The following QSOX1 variants were observed in gnomAD, a reference collection of about 807,000 sequenced individuals.
QSOX1 encodes the protein quiescin sulfhydryl oxidase 1, also known as sulfhydryl oxidase 1.
In QSOX1, 40 loss-of-function variants were observed where a neutral mutation model predicts 76.1. The ratio of observed to expected loss-of-function variants is 0.53; its 90% confidence interval spans 0.41 to 0.68. The LOEUF (loss-of-function observed/expected upper bound fraction) is 0.68. Ranked by LOEUF, QSOX1 falls within the 30% of genes least tolerant of loss-of-function variation. The pLI is 0.00. For missense variants in QSOX1, 931 were observed against 974.3 expected, an observed-to-expected ratio of 0.96 and a Z score of 0.59; for synonymous variants, 392 against 413.1, an observed-to-expected ratio of 0.95 and a Z score of 0.62.
At position 180,186,027 on chromosome 1, in the gene QSOX1, C is replaced by T; in HGVS notation, c.888-26C>T. ...TGCACCATGGTTAATACTTCTTTCT[C>T]TCTCTATCTCCCTCTGGGTCCTCAG... On this transcript the variant is annotated intron_variant, in intron 7 of 11. Transcript: ENST00000367602. 3.1e-6 allele frequency: 5 copies of T among 1,612,380 alleles called. No individual in the cohort carries two copies. The South Asian group carries it at 5.5e-5, about 18-fold the overall frequency.
intron 5 of QSOX1, among the ~76,000 whole-genome samples, chr1:180,180,688 T>A (rs1663008724): frequency 1.3e-5 from 2 of 152,156 alleles, no homozygotes; most frequent in African/African-American, 4.8e-5. Context: ...CTAATTTTTT[T>A]ATATTTTTAG....
rs532331265 is a variant in QSOX1, at chr1:180,196,782, G to A, written c.1989G>A (p.Trp663Ter). The A allele has an allele frequency of 6.2e-7, 1 of 1,614,132 alleles. No homozygotes were observed. Among genetic ancestry groups the A allele is most frequent in the East Asian group, 2.2e-5 (1 of 44,884 alleles). Reference sequence around the variant, plus strand: ...CCAGGGCTGAGAAGAACCGCCTCTGGGGCCCTTTGGAGGTCAGGCGCGTGG... The same window carrying A: ...CCAGGGCTGAGAAGAACCGCCTCTGAGGCCCTTTGGAGGTCAGGCGCGTGG... ...AESRAEKNRL[W>*]GPLEVRRVGR... is the part of the protein sequence containing the mutation. The change falls in exon 12 of 12, where the codon TGG (tryptophan) becomes TGA (stop). Residue 663 changes from tryptophan to a stop codon, truncating the protein, a stop_gained. Transcript: ENST00000367602. LOFTEE classifies it high-confidence loss of function. The surrounding 1 kb of genome is among the most constrained non-coding windows in gnomAD (Gnocchi z 4.1).
chr1:180,197,387 C>T lies in QSOX1; in HGVS notation c.*350C>T, dbSNP rs1572058141. On this transcript the variant is annotated 3_prime_UTR_variant, in exon 12 of 12. Transcript: ENST00000367602. The stretch of plus-strand genomic sequence containing the variant: ...GGAGCCTCAGTCTCTCCTGCTTGGT[C>T]TTGGCCCTCAACTGGGGCAAGTGAA... The T allele has an allele frequency of 2.5e-6, 4 of 1,613,582 alleles. No homozygotes were observed. Among genetic ancestry groups the T allele is most frequent in the Non-Finnish European group, 2.5e-6 (3 of 1,179,882 alleles).
intron 1 of QSOX1, among the ~76,000 whole-genome samples, chr1:180,160,028 G>C (rs970370980): frequency 1.3e-5 from 2 of 152,102 alleles, no homozygotes; most frequent in African/African-American, 4.8e-5. Context: ...CATTCCAGCT[G>C]GAGAGAGACC....
intron 1 of QSOX1, among the ~76,000 whole-genome samples, chr1:180,157,960 G>T (rs1333180290): frequency 6.6e-6 from 1 of 152,206 alleles, no homozygotes; most frequent in Non-Finnish European, 1.5e-5. Flanking sequence ...GTCACAGAGG[G>T]CTAATCTGAT....
chr1:180,175,548 G>A lies in QSOX1; in HGVS notation c.412+182G>A, dbSNP rs563258907. ...TCCTCCCAGTCAGCTTTAGGGAAAGGCAGGATGAAGAAGCCCTTCAGGTTG... is the reference window on the plus strand; with the variant it reads ...TCCTCCCAGTCAGCTTTAGGGAAAGACAGGATGAAGAAGCCCTTCAGGTTG... On this transcript the variant is annotated intron_variant, in intron 3 of 11. Transcript: ENST00000367602. Among the ~76,000 whole-genome samples the A allele has an allele frequency of 1.1e-4, 17 of 152,326 alleles. No individual in the cohort carries two copies. In the South Asian group the frequency reaches 1.5e-3, roughly 13 times the overall value.
chr1:180,170,532 G>T (rs527965639), intron 2 of QSOX1, among the ~76,000 whole-genome samples: 76 of 152,260 alleles, frequency 5.0e-4, no homozygotes, highest in African/African-American at 1.7e-3. Flanking sequence ...GACCAGCCTG[G>T]TGTTGCCTGG....
intron 2 of QSOX1, among the ~76,000 whole-genome samples, chr1:180,172,397 C>T (rs550629117): frequency 1.3e-4 from 20 of 152,266 alleles, no homozygotes; most frequent in Admixed American, 3.9e-4. Context: ...TTCCCTTCAG[C>T]CTGCATCCTG....
In QSOX1 at chr1:180,196,882, T is replaced by C. The variant is rs1558195139; in HGVS notation, c.2089T>C (p.Trp697Arg). The C allele has an allele frequency of 6.3e-7, 1 of 1,594,046 alleles. No homozygotes were observed. Among genetic ancestry groups the C allele is most frequent in the South Asian group, 1.1e-5 (1 of 88,638 alleles). Residue 697 changes from tryptophan (W) to arginine (R), a missense_variant, in exon 12 of 12, where the codon TGG becomes CGG. By Grantham distance (101) the Trp-to-Arg change is moderately radical. Transcript: ENST00000367602. The surrounding 1 kb of genome is among the most constrained non-coding windows in gnomAD (Gnocchi z 4.1). ...CCGAGCTGGACGGGGCCGAGGCCAG[T>C]GGCTGCAGGTGCTGGGAGGGGGCTT... ...EARAGRGRGQWLQVLGGGFSY... is the reference protein window; with the variant it reads ...EARAGRGRGQRLQVLGGGFSY...
In QSOX1 at chr1:180,198,751, C is replaced by G. The variant is rs1663567837; in HGVS notation, c.*1714C>G. 1 of 259,568 alleles carries G rather than the reference C, an allele frequency of 3.9e-6. No individual in the cohort carries two copies. Among genetic ancestry groups the G allele is most frequent in the African/African-American group, 2.2e-5 (1 of 45,242 alleles). The allele number at this position is 259,568 out of a possible 1,614,324, so 16.1% of individuals were successfully genotyped here. On this transcript the variant is annotated 3_prime_UTR_variant, in exon 12 of 12. Coordinates refer to ENST00000367602, the MANE Select transcript of QSOX1 (RefSeq NM_002826.5). ...TCCTGGTTGTGCTCTGCACCCCCTG[C>G]TCCCTTGGGCTGGCCCTGGCTGGGG...
At chr1:180,183,816 C>T (rs1364836503) in intron 6 of QSOX1, 100 bp from the exon 7 acceptor site, 4 of 1,321,324 alleles carry the variant, frequency 3.0e-6, no homozygotes, top group South Asian at 2.8e-5. Context: ...ATAAACCTTC[C>T]TGTCCGATGA....
chr1:180,183,850 A>G, intron 6 of QSOX1, 66 bp from the exon 7 acceptor site: 2 of 1,476,500 alleles, frequency 1.4e-6, no homozygotes, highest in Non-Finnish European at 1.8e-6. Flanking sequence ...CTCTTCTGAC[A>G]TTGGTTAGCT....
intron 5 of QSOX1, among the ~76,000 whole-genome samples, chr1:180,179,418 A>G (rs1343868852): frequency 2.0e-5 from 3 of 152,350 alleles, no homozygotes; most frequent in Middle Eastern, 3.4e-3. Flanking sequence ...CCAGCTCCCC[A>G]GCGCTTCCAG....
intron 2 of QSOX1, among the ~76,000 whole-genome samples, chr1:180,166,914 C>T (rs1572040298): frequency 6.6e-6 from 1 of 152,366 alleles, no homozygotes; most frequent in East Asian, 1.9e-4. Context: ...TGGCAAGCCT[C>T]AGCCTCCTCA....
chr1:180,156,020 C>G (rs1231531111), intron 1 of QSOX1, among the ~76,000 whole-genome samples: 1 of 152,152 alleles, frequency 6.6e-6, no homozygotes, highest in Non-Finnish European at 1.5e-5. Context: ...AGGAAAAAAC[C>G]ACTACATGTA....
At position 180,198,428 on chromosome 1, in the gene QSOX1, G is replaced by A. The variant is rs548771903; in HGVS notation, c.*1391G>A. 2.6e-5 allele frequency: 12 copies of A among 455,558 alleles called. No individual in the cohort carries two copies. Among genetic ancestry groups the A allele is most frequent in the African/African-American group, 1.4e-4 (7 of 50,168 alleles). The allele number at this position is 455,558 out of a possible 1,614,324, so 28.2% of individuals were successfully genotyped here. On this transcript the variant is annotated 3_prime_UTR_variant, in exon 12 of 12. Coordinates refer to ENST00000367602, the MANE Select transcript of QSOX1 (RefSeq NM_002826.5). The stretch of plus-strand genomic sequence containing the variant: ...GGATTAGAGAGCCTGCCCCTAATCC[G>A]GCCTGCTGGGTTTTACAAGGATCAG...
chr1:180,171,824 G>A (rs1258874063), intron 2 of QSOX1, among the ~76,000 whole-genome samples: 1 of 152,182 alleles, frequency 6.6e-6, no homozygotes, highest in African/African-American at 2.4e-5. Flanking sequence ...AGCCAACCAG[G>A]GGAGGGTGGC....
chr1:180,192,431 G>C (rs778821454), intron 10 of QSOX1, among the ~76,000 whole-genome samples: 3 of 152,240 alleles, frequency 2.0e-5, no homozygotes, highest in Non-Finnish European at 2.9e-5. Context: ...CTGCAGGCAG[G>C]GGGAGGCAGG....
Position 180,175,335 on chromosome 1 carries a change from T to C in QSOX1, c.381T>C (p.Phe127=), listed in dbSNP as rs538917832. 847 of 1,613,306 alleles carry C rather than the reference T, an allele frequency of 5.3e-4. 17 individuals carry two copies. The South Asian group carries it at 8.3e-3, about 16-fold the overall frequency. Residue 127 remains phenylalanine (F), a synonymous_variant, in exon 3 of 12, where the codon TTT becomes TTC. Coordinates refer to ENST00000367602, the MANE Select transcript of QSOX1 (RefSeq NM_002826.5). ...TTTGCTTCCAGTTCTTCAAGGCCTT[T>C]ACCAAGAACGGCTCGGGAGCAGTAT... The part of the protein sequence containing the change: ...GFPTVRFFKA[F]TKNGSGAVFP...
Sources: gnomAD v4.1 joint callset for allele counts (sites outside exome capture counted in the v4.1 genomes callset) on GRCh38, gnomAD v4.1.1 for gene constraint, Gnocchi (gnomAD v3.1) non-coding constraint, MANE v1.5 for transcripts, NCBI Gene and HGNC (gene_info 2026-07-23, HGNC 2026-07-21) for gene names.